Variants in GPM6B observed in about 807,000 individuals in gnomAD.
GPM6B encodes the protein neuronal membrane glycoprotein M6-b.
Under a neutral mutation model 27.2 loss-of-function variants are expected in GPM6B, and 4 were observed. That is an observed-to-expected ratio of 0.15 (90% confidence interval 0.07 to 0.34). The LOEUF (loss-of-function observed/expected upper bound fraction) is 0.34, where lower values mean the gene tolerates loss of function less well. GPM6B is among the 10% of genes least tolerant of loss of function. GPM6B has a pLI of 1.00. For synonymous variants in GPM6B, 124 were observed against 103.1 expected, an observed-to-expected ratio of 1.20 and a Z score of -1.23; for missense variants, 183 against 261.9, an observed-to-expected ratio of 0.70 and a Z score of 2.08.
intron 1 of GPM6B, among the ~76,000 whole-genome samples, chrX:13,816,637 G>C (rs767028236): frequency 9.0e-6 from 1 of 111,350 alleles, no homozygotes; most frequent in East Asian, 2.8e-4. Context: ...CACGTCGGTA[G>C]AAAGATTTGG....
At chrX:13,906,881 T>A (rs1416527015) in intron 1 of GPM6B, among the ~76,000 whole-genome samples, 1 of 112,161 alleles carries the variant, frequency 8.9e-6, no homozygotes, top group Non-Finnish European at 1.9e-5. Flanking sequence ...TAGTAAATTA[T>A]GTGGTAGTTA....
chrX:13,887,214 C>T (rs182511838), intron 1 of GPM6B, among the ~76,000 whole-genome samples: 118 of 112,401 alleles, frequency 1.0e-3, no homozygotes, highest in African/African-American at 3.8e-3. Context: ...GTAACAATGA[C>T]AAAAGATAAC....
chrX:13,911,181 T>C (rs2050375933), intron 1 of GPM6B, among the ~76,000 whole-genome samples: 1 of 112,304 alleles, frequency 8.9e-6, no homozygotes, highest in Admixed American at 9.5e-5. Context: ...GATACTAGTA[T>C]ATCCGATCTT....
At chrX:13,930,003 T>C (rs778591146) in intron 1 of GPM6B, among the ~76,000 whole-genome samples, 1 of 112,500 alleles carries the variant, frequency 8.9e-6, no homozygotes, top group Admixed American at 9.4e-5. Flanking sequence ...TAACTCAAGA[T>C]TGTTTATAAT....
At chrX:13,842,984 C>A (rs1291180530) in intron 1 of GPM6B, among the ~76,000 whole-genome samples, 1 of 111,032 alleles carries the variant, frequency 9.0e-6, no homozygotes, top group African/African-American at 3.3e-5. Flanking sequence ...TTAATATATT[C>A]CCCCCTTTCC....
chrX:13,938,166 TTAAAA>T (rs1198927004), intron 1 of GPM6B, among the ~76,000 whole-genome samples: 1 of 110,960 alleles, frequency 9.0e-6, no homozygotes, highest in Non-Finnish European at 1.9e-5. Flanking sequence ...TACTGGCCCC[TTAAAA>T]TAAAGCACTA....
rs187216954 is a variant in GPM6B at position 13,852,726 on chromosome X, G to A, written c.-197-66918C>T. Among the ~76,000 whole-genome samples the A allele has an allele frequency of 2.9e-4, 32 of 108,712 alleles. No individual in the cohort carries two copies. The East Asian group carries it at 7.4e-3, about 25-fold the overall frequency. The allele number at this position is 108,712 out of a possible 115,157, so 94.4% of individuals were successfully genotyped here. A position where few individuals can be genotyped will look rare whatever the true frequency, so the allele number is the denominator to read the frequency against. ...CCATACAGGACAATACTAGTTTCTGGTCTTTTGCTATTACAAATAAAGGCT... is the reference window on the plus strand; with the variant it reads ...CCATACAGGACAATACTAGTTTCTGATCTTTTGCTATTACAAATAAAGGCT... On this transcript the variant is annotated intron_variant, in intron 1 of 6. Transcript: ENST00000398361.
intron 6 of GPM6B, 122 bp downstream of exon 6, chrX:13,777,230 T>C (rs2048430273): frequency 1.9e-6 from 1 of 524,303 alleles, no homozygotes; most frequent in African/African-American, 2.3e-5. Flanking sequence ...ATCTTAAAGA[T>C]TCTAAACAAG....
intron 1 of GPM6B, among the ~76,000 whole-genome samples, chrX:13,813,261 A>G (rs770754503): frequency 2.5e-3 from 273 of 109,978 alleles, no homozygotes; most frequent in Non-Finnish European, 4.3e-3. Context: ...AAGTGCATAC[A>G]TTTTGCTAAA....
chrX:13,909,120 CTTTT>C (rs368081524), intron 1 of GPM6B, among the ~76,000 whole-genome samples: 3 of 69,833 alleles, frequency 4.3e-5, no homozygotes, highest in East Asian at 6.4e-4. Context: ...TGTTCATATC[CTTTT>C]TTTTTTTTTT....
At chrX:13,832,987 T>C (rs1018430767) in intron 1 of GPM6B, among the ~76,000 whole-genome samples, 1 of 111,863 alleles carries the variant, frequency 8.9e-6, no homozygotes, top group African/African-American at 3.2e-5. Context: ...TGAGGAACAG[T>C]TGGGCTTGGT....
At chrX:13,936,055 A>G (rs1274010784) in intron 1 of GPM6B, among the ~76,000 whole-genome samples, 2 of 111,928 alleles carry the variant, frequency 1.8e-5, no homozygotes, top group African/African-American at 3.3e-5. Context: ...ATGAGGAGTG[A>G]CTGCGAAATG....
intron 1 of GPM6B, among the ~76,000 whole-genome samples, chrX:13,866,020 A>G (rs960915510): frequency 9.0e-6 from 1 of 111,203 alleles, no homozygotes; most frequent in African/African-American, 3.3e-5. Context: ...AGAGAATTGG[A>G]TAGAAGTTAC....
chrX:13,904,205 T>C (rs1259379077), intron 1 of GPM6B, among the ~76,000 whole-genome samples: 2 of 112,131 alleles, frequency 1.8e-5, no homozygotes, highest in Non-Finnish European at 3.8e-5. Context: ...AGAATACATA[T>C]GTTCTGTTAA....
At chrX:13,895,436 T>G (rs2050223901) in intron 1 of GPM6B, among the ~76,000 whole-genome samples, 1 of 107,371 alleles carries the variant, frequency 9.3e-6, no homozygotes, top group Admixed American at 1.0e-4. Context: ...AAGCTGGGGG[T>G]GGGGGGTGAA....
intron 1 of GPM6B, among the ~76,000 whole-genome samples, chrX:13,913,156 A>G (rs777336179): frequency 2.7e-5 from 3 of 111,120 alleles, no homozygotes; most frequent in East Asian, 2.8e-4. Flanking sequence ...CTGTCTGTCT[A>G]TCTATCTATC....
intron 1 of GPM6B, among the ~76,000 whole-genome samples, chrX:13,825,618 G>A (rs993770246): frequency 8.9e-6 from 1 of 112,913 alleles, no homozygotes. Context: ...GTCCTTGCCA[G>A]CATCAGTGCA....
intron 2 of GPM6B, among the ~76,000 whole-genome samples, chrX:13,800,385 G>A (rs112976682): frequency 0.016 from 1,791 of 112,089 alleles, 30 homozygotes; most frequent in African/African-American, 0.055. Context: ...TAAGGAAGCC[G>A]AGATAATATA....
chrX:13,916,501 C>T (rs1240665495), intron 1 of GPM6B, among the ~76,000 whole-genome samples: 1 of 111,165 alleles, frequency 9.0e-6, no homozygotes, highest in African/African-American at 3.3e-5. Context: ...AAAATAGTCA[C>T]GTATAAAGAC....
Sources: allele counts gnomAD v4.1 joint callset (sites outside exome capture counted in the v4.1 genomes callset), GRCh38; gene constraint gnomAD v4.1.1; transcripts MANE v1.5; gene names NCBI Gene and HGNC (gene_info 2026-07-23, HGNC 2026-07-21).